The following MCTP1 variants were observed in gnomAD, a reference collection of about 807,000 sequenced individuals.
The protein encoded by MCTP1 is multiple C2 and transmembrane domain-containing protein 1.
A neutral mutation model predicts 120.6 loss-of-function variants in MCTP1; 69 were observed. That is an observed-to-expected ratio of 0.57 (90% confidence interval 0.47 to 0.70). MCTP1 has a LOEUF of 0.70. Among genes scored for constraint, MCTP1 ranks in the 30% least tolerant of loss-of-function variants. The pLI is 0.00. For missense variants in MCTP1, 1,203 were observed against 1,248.8 expected, an observed-to-expected ratio of 0.96 and a Z score of 0.55; for synonymous variants, 529 against 493.1, an observed-to-expected ratio of 1.07 and a Z score of -0.96.
intron 12 of MCTP1, among the ~76,000 whole-genome samples, chr5:94,876,427 A>G (rs1268261218): frequency 6.6e-6 from 1 of 152,130 alleles, no homozygotes; most frequent in African/African-American, 2.4e-5. Flanking sequence ...ACAGTGGTAT[A>G]AAGAAGTCCT....
At chr5:95,100,133 G>A in intron 1 of MCTP1, among the ~76,000 whole-genome samples, 1 of 120,724 alleles carries the variant, frequency 8.3e-6, no homozygotes, top group Non-Finnish European at 1.7e-5. Context: ...TGGGGTGGGG[G>A]GAGGGGGGAG....
intron 1 of MCTP1, among the ~76,000 whole-genome samples, chr5:95,074,149 C>T (rs1582163693): frequency 6.6e-6 from 1 of 152,194 alleles, no homozygotes; most frequent in Non-Finnish European, 1.5e-5. Flanking sequence ...CACTCTTGGG[C>T]TCTACCCATG....
At chr5:94,986,924 C>A (rs1363939564) in intron 2 of MCTP1, among the ~76,000 whole-genome samples, 1 of 152,070 alleles carries the variant, frequency 6.6e-6, no homozygotes, top group African/African-American at 2.4e-5. Context: ...GATGCTCAAG[C>A]CCCTAATATA....
At chr5:95,098,467 T>C (rs1307039742) in intron 1 of MCTP1, among the ~76,000 whole-genome samples, 1 of 152,164 alleles carries the variant, frequency 6.6e-6, no homozygotes, top group Non-Finnish European at 1.5e-5. Context: ...AGCATTCTTA[T>C]ACACCAATAA....
At chr5:95,037,335 G>A (rs1342220500) in intron 1 of MCTP1, among the ~76,000 whole-genome samples, 2 of 152,130 alleles carry the variant, frequency 1.3e-5, no homozygotes, top group Non-Finnish European at 2.9e-5. Flanking sequence ...CAAATGCTTA[G>A]GAAAAAGCAA....
At chr5:94,969,554 G>A (rs39987) in intron 2 of MCTP1, among the ~76,000 whole-genome samples, 126,341 of 151,930 alleles carry the variant, frequency 0.83, 53,073 homozygotes, top group African/African-American at 0.94. Context: ...AGTCTTCATC[G>A]AAAACAATGC....
chr5:94,890,091 T>C (rs10035271), intron 11 of MCTP1, among the ~76,000 whole-genome samples: 4,753 of 152,246 alleles, frequency 0.031, 265 homozygotes, highest in African/African-American at 0.11. Context: ...TTCCAAATCC[T>C]GGGCTCAAGC....
intron 2 of MCTP1, among the ~76,000 whole-genome samples, chr5:94,960,610 A>G (rs1162702964): frequency 6.6e-6 from 1 of 152,230 alleles, no homozygotes; most frequent in Non-Finnish European, 1.5e-5. Flanking sequence ...GGCAAAGGAT[A>G]TGAACAGATA....
intron 1 of MCTP1, among the ~76,000 whole-genome samples, chr5:95,223,894 T>G (rs1158923380): frequency 6.6e-6 from 1 of 152,222 alleles, no homozygotes; most frequent in Non-Finnish European, 1.5e-5. Context: ...CTGTGTGTTT[T>G]TTAAGAAGGT....
At chr5:94,747,804 AAGG>A (rs1320041742) in intron 19 of MCTP1, among the ~76,000 whole-genome samples, 1 of 152,058 alleles carries the variant, frequency 6.6e-6, no homozygotes, top group African/African-American at 2.4e-5. Context: ...CTGAAATTAT[AAGG>A]AGGCCAGGCA....
chr5:94,769,576 A>G (rs2152893782), intron 19 of MCTP1, among the ~76,000 whole-genome samples: 1 of 152,336 alleles, frequency 6.6e-6, no homozygotes, highest in East Asian at 1.9e-4. Context: ...ATAGACCACA[A>G]AAATTACAGA....
Position 95,166,813 on chromosome 5 carries a change from C to T in MCTP1, c.720+117043G>A, listed in dbSNP as rs188218052. On this transcript the variant is annotated intron_variant, in intron 1 of 22. Transcript: ENST00000515393. ...TGATCTCCTGACCTTGTGATCCGCC[C>T]GCCTCAGCCTCCCAAAGTGCTGGGA... is the stretch of plus-strand genomic sequence containing the variant. Among the ~76,000 whole-genome samples the T allele has an allele frequency of 4.6e-3, 695 of 152,060 alleles. 10 individuals are homozygous for T. Among genetic ancestry groups the T allele is most frequent in the African/African-American group, 0.015 (630 of 41,512 alleles).
intron 1 of MCTP1, among the ~76,000 whole-genome samples, chr5:95,107,384 G>A (rs956270618): frequency 6.6e-6 from 1 of 152,026 alleles, no homozygotes; most frequent in African/African-American, 2.4e-5. Flanking sequence ...AAAACTAGAT[G>A]AGTCAAAAAA....
At chr5:95,158,363 T>A in intron 1 of MCTP1, among the ~76,000 whole-genome samples, 1 of 152,132 alleles carries the variant, frequency 6.6e-6, no homozygotes, top group Non-Finnish European at 1.5e-5. Flanking sequence ...AATTATACAA[T>A]CCTCTGGGTA....
chr5:94,975,746 C>G (rs1001001698), intron 2 of MCTP1, among the ~76,000 whole-genome samples: 5 of 152,080 alleles, frequency 3.3e-5, no homozygotes, highest in Non-Finnish European at 1.5e-5. Flanking sequence ...TTCCCTCTCT[C>G]TTGAGTGTCC....
At chr5:95,230,099 G>A (rs554536770) in intron 1 of MCTP1, among the ~76,000 whole-genome samples, 1 of 151,978 alleles carries the variant, frequency 6.6e-6, no homozygotes, top group Admixed American at 6.6e-5. Flanking sequence ...CCTTTCTTTA[G>A]TTAACAAACT....
At chr5:95,138,258 T>C (rs577344720) in intron 1 of MCTP1, among the ~76,000 whole-genome samples, 83 of 144,388 alleles carry the variant, frequency 5.7e-4, no homozygotes, top group African/African-American at 2.0e-3. Context: ...TAAAATAATA[T>C]GTGTTTTGGA....
At chr5:94,798,941 T>C (rs1780625739) in intron 18 of MCTP1, 72 bp downstream of exon 18, 21 of 1,507,818 alleles carry the variant, frequency 1.4e-5, no homozygotes, top group Non-Finnish European at 1.9e-5. Context: ...AAAGCCAAAT[T>C]CAATGTTGAT....
chr5:95,093,613 T>A (rs1253470621), intron 1 of MCTP1, among the ~76,000 whole-genome samples: 1 of 152,146 alleles, frequency 6.6e-6, no homozygotes, highest in Non-Finnish European at 1.5e-5. Context: ...GATAAATATA[T>A]TTTTCATGTA....
Sources: gnomAD v4.1 joint callset for allele counts (sites outside exome capture counted in the v4.1 genomes callset) on GRCh38, gnomAD v4.1.1 for gene constraint, MANE v1.5 for transcripts, NCBI Gene and HGNC (gene_info 2026-07-23, HGNC 2026-07-21) for gene names.